GALNT3: variants seen among roughly 807,000 people sequenced by gnomAD.
The protein encoded by GALNT3 is polypeptide N-acetylgalactosaminyltransferase 3.
Under a neutral mutation model 69.8 loss-of-function variants are expected in GALNT3, and 51 were observed. That is an observed-to-expected ratio of 0.73 (90% confidence interval 0.58 to 0.92). The LOEUF (loss-of-function observed/expected upper bound fraction) is 0.92, where lower values mean the gene tolerates loss of function less well. GALNT3 is among the 40% of genes least tolerant of loss of function. The pLI is 0.00. For synonymous variants in GALNT3, 265 were observed against 248.5 expected (o/e 1.07, Z -0.63); for missense variants, 711 against 760.0 (o/e 0.94, Z 0.76).
At position 165,770,610 on chromosome 2, in the gene GALNT3, T is replaced by G; in HGVS notation, c.91A>C (p.Ile31Leu). The G allele has an allele frequency of 6.2e-7, 1 of 1,602,950 alleles. No individual in the cohort carries two copies. The highest frequency in any genetic ancestry group is 8.5e-7 in the Non-Finnish European group (1 of 1,175,862). The change falls in exon 2 of 11, where the codon ATA becomes CTA. Residue 31 changes from isoleucine to leucine, a missense_variant. Coordinates refer to ENST00000392701, the MANE Select transcript of GALNT3 (RefSeq NM_004482.4). ...WKLGAVIFFF[I>L]IVLVLMQREV... ...CTTTGCATTAAAACCAAAACTATTA[T>G]AAAGAAAAAAATTACTGCACCAAGC...
At chr2:165,780,337 A>G (rs1683075712) in intron 1 of GALNT3, among the ~76,000 whole-genome samples, 1 of 152,202 alleles carries the variant, frequency 6.6e-6, no homozygotes, top group Non-Finnish European at 1.5e-5. Context: ...GTTCATTCAC[A>G]TACCTCTTCC....
At position 165,761,912 on chromosome 2, in the gene GALNT3, A is replaced by G; in HGVS notation, c.831T>C (p.Asp277=). 6.2e-7 allele frequency: 1 copy of G among 1,614,112 alleles called. No individual in the cohort carries two copies. The highest frequency in any genetic ancestry group is 1.1e-5 in the South Asian group (1 of 91,074). The change falls in exon 4 of 11, where the codon GAT becomes GAC. Residue 277 remains aspartate (D), a synonymous_variant. Transcript: ENST00000392701. ...VATAETLTFL[D]AHCECFYGWL... is the part of the protein sequence containing the mutation. The stretch of plus-strand genomic sequence containing the variant: ...CCATACATATATACTTACAGTGAGC[A>G]TCTAAAAATGTGAGCGTTTCAGCTG...
At chr2:165,766,295 T>C (rs543752298) in intron 2 of GALNT3, among the ~76,000 whole-genome samples, 2 of 152,256 alleles carry the variant, frequency 1.3e-5, no homozygotes, top group Non-Finnish European at 2.9e-5. Flanking sequence ...AAAACATTGA[T>C]TGGGCACAGG....
intron 3 of GALNT3, among the ~76,000 whole-genome samples, chr2:165,762,664 A>G (rs1400152074): frequency 6.6e-6 from 1 of 152,242 alleles, no homozygotes; most frequent in Non-Finnish European, 1.5e-5. Flanking sequence ...AATATGAAAC[A>G]GGCAAATTTT....
intron 10 of GALNT3, among the ~76,000 whole-genome samples, chr2:165,749,227 T>C (rs1688312247): frequency 6.6e-6 from 1 of 152,150 alleles, no homozygotes; most frequent in Admixed American, 6.6e-5. Flanking sequence ...GTGTTAACGT[T>C]TTCTAGTACT....
intron 1 of GALNT3, among the ~76,000 whole-genome samples, chr2:165,789,031 C>G (rs746842791): frequency 7.2e-5 from 11 of 152,122 alleles, no homozygotes; most frequent in African/African-American, 2.4e-4. Context: ...ATGTTAAGAC[C>G]TTAAACTAGA....
chr2:165,790,151 G>C (rs1683313989), intron 1 of GALNT3, among the ~76,000 whole-genome samples: 2 of 152,130 alleles, frequency 1.3e-5, no homozygotes, highest in South Asian at 4.1e-4. Context: ...AAGAAAATTA[G>C]TTTGGACAGT....
rs554131349 is a variant in GALNT3, at chr2:165,757,748, C to T, written c.1192-501G>A. ...GCTATTATTACCAATGATCATTCTA[C>T]TGAACTTGCAAAGTAGAGGATGATT... On this transcript the variant is annotated intron_variant, in intron 6 of 10. Transcript: ENST00000392701. 5.4e-4 allele frequency among the ~76,000 whole-genome samples: 82 copies of T among 152,226 alleles called. 1 individual carries two copies. Among genetic ancestry groups the T allele is most frequent in the Non-Finnish European group, 9.9e-4 (67 of 68,010 alleles).
At position 165,758,514 on chromosome 2, in the gene GALNT3, C is replaced by T. The variant is rs75239861; in HGVS notation, c.1191+233G>A. 2,289 of 373,592 alleles carry T rather than the reference C, an allele frequency of 6.1e-3. 72 individuals are homozygous for T. The Admixed American group carries it at 0.065, about 11-fold the overall frequency. 23.1% of individuals were successfully genotyped at this position (373,592 alleles called of 1,614,324 possible). A position where few individuals can be genotyped will look rare whatever the true frequency, so the allele number is the denominator to read the frequency against. ...GCTACAAGTGCATTAATTGGTGTTA[C>T]TGCCTGGACACAGGAGTTTAACTGA... On this transcript the variant is annotated intron_variant, in intron 6 of 10. Coordinates refer to ENST00000392701, the MANE Select transcript of GALNT3 (RefSeq NM_004482.4).
At chr2:165,787,036 C>G (rs1683237338) in intron 1 of GALNT3, among the ~76,000 whole-genome samples, 1 of 152,138 alleles carries the variant, frequency 6.6e-6, no homozygotes, top group African/African-American at 2.4e-5. Context: ...TAATGTCTGC[C>G]TCCTTCGTGG....
At chr2:165,755,846 A>G (rs1005497086) in intron 7 of GALNT3, among the ~76,000 whole-genome samples, 6 of 152,184 alleles carry the variant, frequency 3.9e-5, no homozygotes, top group African/African-American at 1.2e-4. Flanking sequence ...CAGGCGTTTT[A>G]GCAAAAAGTA....
chr2:165,760,346 C>T (rs1437392569), intron 4 of GALNT3, among the ~76,000 whole-genome samples: 2 of 152,092 alleles, frequency 1.3e-5, no homozygotes, highest in Non-Finnish European at 2.9e-5. Context: ...AAGGGAGGGC[C>T]AAGGAGTTTC....
At chr2:165,778,134 A>G (rs1384950187) in intron 1 of GALNT3, among the ~76,000 whole-genome samples, 5 of 152,246 alleles carry the variant, frequency 3.3e-5, no homozygotes, top group Non-Finnish European at 7.3e-5. Flanking sequence ...ATACTACATT[A>G]TCTGTCAAGG....
Position 165,764,981 on chromosome 2 carries a change from C to T in GALNT3, c.591G>A (p.Ala197=), listed in dbSNP as rs766232837. Residue 197 remains alanine (A), a synonymous_variant, in exon 3 of 11, where the codon GCG becomes GCA. Transcript: ENST00000392701. ...GGACAGTTCTAAGCAACGTGGACCA[C>T]GCTTCATTATGAAAAACTATTATGA... ...TSVIIVFHNE[A]WSTLLRTVHS... 92 of 1,614,054 alleles carry T rather than the reference C, an allele frequency of 5.7e-5. No homozygotes were observed. Among genetic ancestry groups the T allele is most frequent in the South Asian group, 1.8e-4 (16 of 91,092 alleles).
At chr2:165,760,123 C>G (rs1021583270) in intron 4 of GALNT3, among the ~76,000 whole-genome samples, 1 of 152,108 alleles carries the variant, frequency 6.6e-6, no homozygotes, top group East Asian at 1.9e-4. Context: ...GTTAAAATGG[C>G]CTATGAGTCA....
At chr2:165,754,423 T>C (rs1474190884) in intron 9 of GALNT3, among the ~76,000 whole-genome samples, 1 of 132,396 alleles carries the variant, frequency 7.6e-6, no homozygotes, top group Admixed American at 8.1e-5. Flanking sequence ...TTTTTAATGG[T>C]TAAGCTACTC....
chr2:165,791,504 T>C (rs568208977), intron 1 of GALNT3, among the ~76,000 whole-genome samples: 55 of 152,150 alleles, frequency 3.6e-4, no homozygotes, highest in Admixed American at 7.2e-4. Flanking sequence ...CTTGTTTCAT[T>C]TATATACACT....
chr2:165,762,322 G>T (rs555338130), intron 3 of GALNT3, among the ~76,000 whole-genome samples: 1 of 151,912 alleles, frequency 6.6e-6, no homozygotes, highest in South Asian at 2.1e-4. Flanking sequence ...GTGTTTGGAG[G>T]GAAGTGAGAA....
rs544166506 is a variant in GALNT3 at position 165,755,075 on chromosome 2, T to G, written c.1393-12A>C. On this transcript the variant is annotated splice_polypyrimidine_tract_variant and intron_variant, in intron 7 of 10. Coordinates refer to ENST00000392701, the MANE Select transcript of GALNT3 (RefSeq NM_004482.4). ...TCACCAAATGCTTTCTGTAGAAACA[T>G]GAGAAATGAAGGGAATGCTTAATTA... The G allele has an allele frequency of 1.2e-6, 2 of 1,608,078 alleles. No homozygotes were observed. The highest frequency in any genetic ancestry group is 1.7e-6 in the Non-Finnish European group (2 of 1,174,846).
Sources: allele counts gnomAD v4.1 joint callset (sites outside exome capture counted in the v4.1 genomes callset), GRCh38; gene constraint gnomAD v4.1.1; transcripts MANE v1.5; gene names NCBI Gene and HGNC (gene_info 2026-07-23, HGNC 2026-07-21).